ART3: variants seen among roughly 807,000 people sequenced by gnomAD.
ART3 encodes the protein ADP-ribosyltransferase 3 (inactive).
A neutral mutation model predicts 48.5 loss-of-function variants in ART3; 49 were observed. The ratio of observed to expected loss-of-function variants is 1.01; its 90% CI spans 0.80 to 1.28. The LOEUF is 1.28. ART3 is among the 50% of genes most tolerant of loss of function. The pLI is 0.00. For missense variants in ART3, 438 were observed against 454.3 expected (o/e 0.96, Z 0.33); for synonymous variants, 145 against 157.2 (o/e 0.92, Z 0.58).
chr4:76,011,779 A>G (rs1469293382), intron 1 of ART3, among the ~76,000 whole-genome samples: 1 of 152,238 alleles, frequency 6.6e-6, no homozygotes, highest in Non-Finnish European at 1.5e-5. Context: ...CGCTGCGCCC[A>G]GCTCAGGCCT....
intron 3 of ART3, among the ~76,000 whole-genome samples, chr4:76,086,059 T>TCCC (rs67789570): frequency 1.1e-4 from 15 of 130,806 alleles, no homozygotes; most frequent in African/African-American, 4.3e-4. Context: ...TCAACAAGAG[T>TCCC]CCCCCCCCCC....
intron 3 of ART3, among the ~76,000 whole-genome samples, chr4:76,087,784 T>TG (rs1288990603): frequency 6.6e-6 from 1 of 152,248 alleles, no homozygotes; most frequent in Non-Finnish European, 1.5e-5. Flanking sequence ...TAATCCAAGC[T>TG]GATGTGAGTG....
chr4:76,089,807 C>T (rs541242733), intron 3 of ART3, among the ~76,000 whole-genome samples: 2 of 152,038 alleles, frequency 1.3e-5, no homozygotes, highest in South Asian at 2.1e-4. Context: ...GGAGGCTGGG[C>T]GCGGTGGCTC....
intron 1 of ART3, chr4:76,034,544 A>G: frequency 1.9e-6 from 1 of 520,826 alleles, no homozygotes; most frequent in South Asian, 3.2e-5. Flanking sequence ...CTAGAAATCC[A>G]TTTAATTGTT....
chr4:76,092,976 A>AT (rs1725236277), intron 3 of ART3, among the ~76,000 whole-genome samples: 1 of 152,242 alleles, frequency 6.6e-6, no homozygotes, highest in Admixed American at 6.5e-5. Context: ...GAAGCCTGAC[A>AT]TAAGTCTTGC....
intron 3 of ART3, among the ~76,000 whole-genome samples, chr4:76,094,761 C>T (rs534208469): frequency 6.6e-6 from 1 of 152,282 alleles, no homozygotes; most frequent in African/African-American, 2.4e-5. Context: ...GATCAGCACT[C>T]CACTGAATAC....
chr4:76,089,544 T>A (rs1724364145), intron 3 of ART3, among the ~76,000 whole-genome samples: 1 of 152,198 alleles, frequency 6.6e-6, no homozygotes, highest in African/African-American at 2.4e-5. Context: ...GTAAGTTTCC[T>A]GAGGCCTCCC....
At chr4:76,078,048 A>G (rs1721525281) in intron 2 of ART3, among the ~76,000 whole-genome samples, 1 of 149,450 alleles carries the variant, frequency 6.7e-6, no homozygotes, top group Non-Finnish European at 1.5e-5. Context: ...TTTTGTAAGA[A>G]ATTTTTGGTA....
chr4:76,037,505 G>A (rs1442361312), intron 1 of ART3, among the ~76,000 whole-genome samples: 1 of 151,716 alleles, frequency 6.6e-6, no homozygotes, highest in Non-Finnish European at 1.5e-5. Context: ...GTCTCACTCT[G>A]TCACCATTCT....
chr4:76,038,084 A>G (rs935548672), intron 1 of ART3, among the ~76,000 whole-genome samples: 1 of 149,870 alleles, frequency 6.7e-6, no homozygotes, highest in Non-Finnish European at 1.5e-5. Flanking sequence ...TAAATTGTGC[A>G]CTTTTCTGAG....
chr4:76,036,433 A>G lies in ART3; in HGVS notation c.-10+25113A>G, dbSNP rs562520621. ...CATCCTTCACATATCTATACAAAATAATATTCTGAAAAGCTTTTTTTTATT... is the reference window on the plus strand; with the variant it reads ...CATCCTTCACATATCTATACAAAATGATATTCTGAAAAGCTTTTTTTTATT... On this transcript the variant is annotated intron_variant, in intron 1 of 9. Coordinates refer to the ART3 transcript ENST00000341029. Among the ~76,000 whole-genome samples the G allele has an allele frequency of 3.9e-5, 6 of 152,274 alleles. No individual in the cohort carries two copies. The South Asian group carries it at 6.2e-4, about 16-fold the overall frequency.
At chr4:76,036,822 G>A (rs551186518) in intron 1 of ART3, 38 of 243,192 alleles carry the variant, frequency 1.6e-4, no homozygotes, top group African/African-American at 7.9e-4. Flanking sequence ...TTCTCTTGGT[G>A]CAGATGTTTG....
intron 1 of ART3, among the ~76,000 whole-genome samples, chr4:76,040,437 T>TACACACACACACACACAC (rs748020159): frequency 1.1e-5 from 1 of 88,484 alleles, no homozygotes; most frequent in African/African-American, 4.5e-5. Context: ...ATACACTGGA[T>TACACACACACACACACAC]ACACACACAC....
chr4:76,082,607 T>C (rs565654061), intron 3 of ART3, 72 bp downstream of exon 3: 2 of 1,300,650 alleles, frequency 1.5e-6, no homozygotes, highest in Admixed American at 2.3e-5. Context: ...GAAAGGTCAG[T>C]GAAAGGAGAG....
At chr4:76,043,320 T>C (rs1735160243) in intron 1 of ART3, among the ~76,000 whole-genome samples, 1 of 151,916 alleles carries the variant, frequency 6.6e-6, no homozygotes, top group East Asian at 1.9e-4. Context: ...GGGTGGTCAA[T>C]GGGACTGGGC....
intron 1 of ART3, among the ~76,000 whole-genome samples, chr4:76,052,770 A>G (rs1736254882): frequency 6.9e-6 from 1 of 145,266 alleles, no homozygotes; most frequent in Non-Finnish European, 1.5e-5. Context: ...GCTGGAGTGC[A>G]CGGGCACGAT....
chr4:76,046,732 C>G (rs781314158), intron 1 of ART3, among the ~76,000 whole-genome samples: 9 of 152,014 alleles, frequency 5.9e-5, no homozygotes, highest in Admixed American at 2.6e-4. Flanking sequence ...CTAATATATC[C>G]CTCCTTAATA....
At chr4:76,012,262 T>C (rs896819644) in intron 1 of ART3, 5 of 152,218 alleles carry the variant, frequency 3.3e-5, no homozygotes, top group African/African-American at 1.2e-4. Flanking sequence ...CTTCCCTTTT[T>C]ACTTGTGAGA....
chr4:76,022,860 C>A (rs1323316771), intron 1 of ART3: 3 of 1,576,266 alleles, frequency 1.9e-6, no homozygotes, highest in South Asian at 2.3e-5. Context: ...GCACAGTGTT[C>A]ATTTTAGGCA....
Sources: gnomAD v4.1 joint callset for allele counts (sites outside exome capture counted in the v4.1 genomes callset) on GRCh38, gnomAD v4.1.1 for gene constraint, MANE v1.5 for transcripts, NCBI Gene and HGNC (gene_info 2026-07-23, HGNC 2026-07-21) for gene names.